The following RTTN variants were observed in gnomAD, a reference collection of about 807,000 sequenced individuals.
RTTN encodes rotatin.
A neutral mutation model predicts 269.2 loss-of-function variants in RTTN; 182 were observed. The observed-to-expected ratio is 0.68, with a 90% CI of 0.60 to 0.76. The LOEUF (loss-of-function observed/expected upper bound fraction) is 0.76. Among genes scored for constraint, RTTN ranks in the 30% least tolerant of loss-of-function variants. The pLI is 0.00. For missense variants in RTTN, 2,545 were observed against 2,608.6 expected (o/e 0.98, Z 0.53); for synonymous variants, 1,006 against 963.5 (o/e 1.04, Z -0.82).
At chr18:70,113,914 C>A (rs552366857) in intron 27 of RTTN, among the ~76,000 whole-genome samples, 1 of 152,224 alleles carries the variant, frequency 6.6e-6, no homozygotes, top group African/African-American at 2.4e-5. Context: ...GAGACTTTTT[C>A]ATGGATACAA....
chr18:70,159,315 T>C (rs2060765694), intron 14 of RTTN, among the ~76,000 whole-genome samples: 1 of 152,180 alleles, frequency 6.6e-6, no homozygotes, highest in Non-Finnish European at 1.5e-5. Flanking sequence ...ACAGGGAACT[T>C]AAACAACCTG....
chr18:70,017,015 G>A (rs1023089792), intron 46 of RTTN, among the ~76,000 whole-genome samples: 3 of 152,078 alleles, frequency 2.0e-5, no homozygotes, highest in Non-Finnish European at 4.4e-5. Context: ...TGGGTGCGGG[G>A]CTATTATATT....
chr18:70,019,622 G>A (rs937235192), intron 45 of RTTN: 1 of 152,090 alleles, frequency 6.6e-6, no homozygotes, highest in African/African-American at 2.4e-5. Context: ...TGAATTACGT[G>A]GTGTGATATG....
At chr18:70,062,127 T>G (rs1210879093) in intron 35 of RTTN, among the ~76,000 whole-genome samples, 1 of 152,218 alleles carries the variant, frequency 6.6e-6, no homozygotes, top group Admixed American at 6.5e-5. Flanking sequence ...ACTAAAGTCC[T>G]AAAAATATGT....
intron 18 of RTTN, 27 bp from the exon 19 acceptor site, chr18:70,142,414 A>C: frequency 3.5e-6 from 4 of 1,150,842 alleles, no homozygotes; most frequent in Non-Finnish European, 5.1e-6. Flanking sequence ...AAAAAAAACC[A>C]AAATTACATT....
intron 46 of RTTN, among the ~76,000 whole-genome samples, chr18:70,015,175 T>C (rs1290029054): frequency 6.6e-6 from 1 of 151,762 alleles, no homozygotes; most frequent in Non-Finnish European, 1.5e-5. Flanking sequence ...GTCTCCCCAG[T>C]TCAAGCAATT....
At chr18:70,108,502 C>T (rs2059381800) in intron 28 of RTTN, among the ~76,000 whole-genome samples, 1 of 151,720 alleles carries the variant, frequency 6.6e-6, no homozygotes, top group Non-Finnish European at 1.5e-5. Flanking sequence ...GTCATAAGAA[C>T]GGAATGATTT....
intron 40 of RTTN, among the ~76,000 whole-genome samples, chr18:70,043,392 A>G (rs1038993697): frequency 2.0e-5 from 3 of 152,194 alleles, no homozygotes; most frequent in Admixed American, 6.5e-5. Context: ...TGGTATATCA[A>G]TATTAGGAGA....
intron 28 of RTTN, among the ~76,000 whole-genome samples, chr18:70,100,308 T>C (rs900295156): frequency 1.3e-5 from 2 of 152,236 alleles, no homozygotes; most frequent in African/African-American, 2.4e-5. Context: ...CCCTTGTAAG[T>C]TGGATTCCTA....
intron 2 of RTTN, 59 bp from the exon 3 acceptor site, chr18:70,204,322 G>T: frequency 1.4e-6 from 2 of 1,446,046 alleles, no homozygotes; most frequent in Non-Finnish European, 9.4e-7. Context: ...ATAACTTACA[G>T]CAATCAAAAC....
chr18:70,044,655 CCT>C (rs954851696), intron 40 of RTTN, among the ~76,000 whole-genome samples: 2 of 152,074 alleles, frequency 1.3e-5, no homozygotes, highest in African/African-American at 4.8e-5. Context: ...GTGATTGTGG[CCT>C]CTCTGTCTCT....
At chr18:70,135,350 T>C in intron 21 of RTTN, 70 bp from the exon 22 acceptor site, 2 of 909,338 alleles carry the variant, frequency 2.2e-6, no homozygotes, top group South Asian at 1.6e-5. Context: ...AAATTTAAAA[T>C]ATCTTGATTT....
Position 70,201,960 on chromosome 18 carries a change from A to C in RTTN, c.421T>G (p.Leu141Val). ...TTGTCTTGGGGAAAATATCCTGTTA[A>C]GATTTCAGGGTTTTTTGACAATTCT... ...QTELSKNPEI[L>V]TGYFPQDKSN... Residue 141 changes from leucine (L) to valine (V), a missense_variant, in exon 4 of 49, where the codon TTA becomes GTA. By Grantham distance (32) the Leu-to-Val change is conservative. Transcript: ENST00000640769. 1.2e-6 allele frequency: 2 copies of C among 1,609,590 alleles called. No individual in the cohort carries two copies. The highest frequency in any genetic ancestry group is 1.7e-6 in the Non-Finnish European group (2 of 1,176,166).
At chr18:70,142,183 G>A (rs2060273544) in intron 19 of RTTN, 105 bp downstream of exon 19, 2 of 699,218 alleles carry the variant, frequency 2.9e-6, no homozygotes, top group Non-Finnish European at 4.9e-6. Flanking sequence ...GCCACAGGCT[G>A]GATCTGGCGC....
chr18:70,111,161 C>T (rs551704998), intron 27 of RTTN, among the ~76,000 whole-genome samples: 11 of 152,346 alleles, frequency 7.2e-5, no homozygotes, highest in African/African-American at 2.4e-4. Context: ...CCCTGCCTGA[C>T]GACTCTGAAG....
intron 16 of RTTN, 73 bp downstream of exon 16, chr18:70,149,898 T>G: frequency 4.0e-6 from 4 of 1,005,686 alleles, no homozygotes; most frequent in Non-Finnish European, 6.3e-6. Context: ...AGTTTAGCTG[T>G]TTGCATGCAT....
chr18:70,036,589 TG>T (rs2057179233), intron 40 of RTTN, among the ~76,000 whole-genome samples: 2 of 152,028 alleles, frequency 1.3e-5, no homozygotes, highest in African/African-American at 4.8e-5. Context: ...AAATAACTAT[TG>T]GGTACCAGGC....
At chr18:70,142,536 G>A in intron 18 of RTTN, 149 bp from the exon 19 acceptor site, 1 of 608,334 alleles carries the variant, frequency 1.6e-6, no homozygotes, top group South Asian at 2.0e-5. Context: ...TTCACACAAT[G>A]CTGGGTTAAG....
chr18:70,186,399 G>A (rs2061547952), intron 10 of RTTN, among the ~76,000 whole-genome samples: 2 of 152,174 alleles, frequency 1.3e-5, no homozygotes, highest in African/African-American at 4.8e-5. Context: ...TTTGCTTAAA[G>A]TCACAGTTTC....
Sources: gnomAD v4.1 joint callset for allele counts (sites outside exome capture counted in the v4.1 genomes callset) on GRCh38, gnomAD v4.1.1 for gene constraint, MANE v1.5 for transcripts, NCBI Gene and HGNC (gene_info 2026-07-23, HGNC 2026-07-21) for gene names.